The following MAP4K3 variants were observed in gnomAD, a reference collection of about 807,000 sequenced individuals.
MAP4K3 encodes the protein MAPK/ERK kinase kinase kinase 3.
Under a neutral mutation model 143.5 loss-of-function variants are expected in MAP4K3, and 94 were observed. The observed-to-expected ratio is 0.65, with a 90% CI of 0.55 to 0.78. The LOEUF (loss-of-function observed/expected upper bound fraction) is 0.78. Among genes scored for constraint, MAP4K3 ranks in the 30% least tolerant of loss-of-function variants. MAP4K3 has a pLI of 0.00. For synonymous variants in MAP4K3, 416 were observed against 347.2 expected (o/e 1.20, Z -2.20); for missense variants, 1,077 against 1,068.1 (o/e 1.01, Z -0.12).
intron 12 of MAP4K3, among the ~76,000 whole-genome samples, chr2:39,324,984 A>AC (rs1683438255): frequency 6.6e-6 from 1 of 151,772 alleles, no homozygotes; most frequent in Non-Finnish European, 1.5e-5. Flanking sequence ...TTATATAAGA[A>AC]TTTTTTTTTA....
chr2:39,390,971 A>G (rs1666635349), intron 1 of MAP4K3, among the ~76,000 whole-genome samples: 1 of 152,192 alleles, frequency 6.6e-6, no homozygotes, highest in South Asian at 2.1e-4. Context: ...AACATCTGCA[A>G]TATGACTGCC....
intron 2 of MAP4K3, among the ~76,000 whole-genome samples, chr2:39,372,459 C>T (rs1315038473): frequency 6.7e-6 from 1 of 148,222 alleles, no homozygotes; most frequent in African/African-American, 2.5e-5. Context: ...TAGGGACCCA[C>T]AGAAGACCTA....
In MAP4K3 at chr2:39,344,040, C is replaced by A. The variant is rs139340527; in HGVS notation, c.246-588G>T. Among the ~76,000 whole-genome samples the A allele has an allele frequency of 5.2e-3, 785 of 152,230 alleles. 4 individuals carry two copies. Among genetic ancestry groups the A allele is most frequent in the Non-Finnish European group, 8.8e-3 (598 of 67,992 alleles). The stretch of plus-strand genomic sequence containing the variant: ...TGTTCAGTCATTCATTATTTAATCT[C>A]TTAAAAATGTACCAGGAAATGTACC... On this transcript the variant is annotated intron_variant, in intron 3 of 33. Transcript: ENST00000263881.
chr2:39,305,439 T>C (rs1271985818), intron 15 of MAP4K3, among the ~76,000 whole-genome samples: 3 of 152,210 alleles, frequency 2.0e-5, no homozygotes, highest in African/African-American at 7.2e-5. Context: ...TTCAGCTTCT[T>C]TGCACTTTAA....
intron 2 of MAP4K3, among the ~76,000 whole-genome samples, chr2:39,373,651 T>C (rs1666140104): frequency 6.6e-6 from 1 of 152,220 alleles, no homozygotes; most frequent in African/African-American, 2.4e-5. Context: ...TGGGTGGAAC[T>C]GGAAGTCATT....
intron 22 of MAP4K3, 64 bp from the exon 23 acceptor site, chr2:39,280,420 G>A (rs1008972210): frequency 1.1e-6 from 1 of 891,504 alleles, no homozygotes. Flanking sequence ...TATATAAAAT[G>A]TAACTATTAT....
intron 3 of MAP4K3, among the ~76,000 whole-genome samples, chr2:39,344,861 T>C (rs1034240727): frequency 2.0e-5 from 3 of 152,128 alleles, no homozygotes; most frequent in African/African-American, 7.2e-5. Flanking sequence ...GTGGGTGATT[T>C]AGTGGGAGTT....
At chr2:39,415,980 A>AAAAAAAAAAAAAT (rs1553318573) in intron 1 of MAP4K3, among the ~76,000 whole-genome samples, 2 of 14,756 alleles carry the variant, frequency 1.4e-4, no homozygotes, top group Non-Finnish European at 2.9e-4. Flanking sequence ...AAAAAAAAAA[A>AAAAAAAAAAAAAT]ATATATATAT....
intron 32 of MAP4K3, 78 bp from the exon 33 acceptor site, chr2:39,251,963 C>G (rs1680169878): frequency 1.1e-6 from 1 of 929,108 alleles, no homozygotes; most frequent in Admixed American, 2.0e-5. Flanking sequence ...TATAATTCAA[C>G]AGAAAAGAAA....
At chr2:39,260,830 T>C in intron 28 of MAP4K3, 53 bp from the exon 29 acceptor site, 1 of 1,267,800 alleles carries the variant, frequency 7.9e-7, no homozygotes, top group Non-Finnish European at 1.1e-6. Context: ...AACCGAATAA[T>C]TCTATGAGAA....
chr2:39,263,879 C>T (rs940826568), intron 28 of MAP4K3, among the ~76,000 whole-genome samples: 2 of 152,176 alleles, frequency 1.3e-5, no homozygotes, highest in African/African-American at 4.8e-5. Flanking sequence ...ATGCTCTTGA[C>T]ATGGACAATT....
chr2:39,334,966 G>T (rs1003398974), intron 6 of MAP4K3, among the ~76,000 whole-genome samples: 1 of 152,134 alleles, frequency 6.6e-6, no homozygotes, highest in South Asian at 2.1e-4. Flanking sequence ...GGTGAAGTAA[G>T]GGTACAGAGC....
intron 3 of MAP4K3, 158 bp downstream of exon 3, chr2:39,356,091 C>T: frequency 1.8e-6 from 1 of 559,018 alleles, no homozygotes; most frequent in South Asian, 2.7e-5. Flanking sequence ...ACAGAATTAA[C>T]ATAGGTCCTA....
rs1288232533 is a variant in MAP4K3 at position 39,429,337 on chromosome 2, GTA to G, written c.96+7553_96+7554del. Among the ~76,000 whole-genome samples the G allele has an allele frequency of 2.0e-5, 3 of 152,130 alleles. No homozygotes were observed. The South Asian group carries it at 6.2e-4, about 32-fold the overall frequency. ...AAAGATCATCTAAATAAATGTAAAG[GTA>G]TATCATATTCATAGATCAGAAGACT... On this transcript the variant is annotated intron_variant, in intron 1 of 33. Transcript: ENST00000263881.
intron 26 of MAP4K3, chr2:39,271,928 T>G (rs1681041418): frequency 5.8e-6 from 1 of 171,710 alleles, no homozygotes; most frequent in African/African-American, 2.4e-5. Context: ...TCATTTTGAT[T>G]TTCTAGGTAT....
chr2:39,401,103 A>C (rs935066625), intron 1 of MAP4K3, among the ~76,000 whole-genome samples: 1 of 152,152 alleles, frequency 6.6e-6, no homozygotes, highest in Admixed American at 6.5e-5. Context: ...ACCCAGATGG[A>C]GCCTGATGGT....
At chr2:39,292,694 T>C in intron 18 of MAP4K3, 79 bp downstream of exon 18, 1 of 1,134,030 alleles carries the variant, frequency 8.8e-7, no homozygotes, top group Non-Finnish European at 1.3e-6. Flanking sequence ...GAAATTTCCA[T>C]CAATATTAAG....
chr2:39,295,964 C>T (rs1168418403), intron 16 of MAP4K3, among the ~76,000 whole-genome samples: 1 of 152,068 alleles, frequency 6.6e-6, no homozygotes, highest in East Asian at 1.9e-4. Context: ...AGTGATCCAC[C>T]CGCCTTGGCT....
chr2:39,421,507 G>A (rs1558348298), intron 1 of MAP4K3, among the ~76,000 whole-genome samples: 1 of 151,392 alleles, frequency 6.6e-6, no homozygotes, highest in Non-Finnish European at 1.5e-5. Context: ...CACTGCACCT[G>A]ACCTGGGCCT....
Sources: gnomAD v4.1 joint callset for allele counts (sites outside exome capture counted in the v4.1 genomes callset) on GRCh38, gnomAD v4.1.1 for gene constraint, MANE v1.5 for transcripts, NCBI Gene and HGNC (gene_info 2026-07-23, HGNC 2026-07-21) for gene names.